The following PACS1 variants were observed in gnomAD, a reference collection of about 807,000 sequenced individuals.
The protein encoded by PACS1 is PACS-1.
Under a neutral mutation model 115.0 loss-of-function variants are expected in PACS1, and 24 were observed. The observed-to-expected ratio is 0.21, with a 90% CI of 0.15 to 0.29. The LOEUF (loss-of-function observed/expected upper bound fraction) is 0.29, where lower values mean the gene tolerates loss of function less well. Ranked by LOEUF, PACS1 falls within the 10% of genes least tolerant of loss-of-function variation. The pLI is 1.00. For synonymous variants in PACS1, 453 were observed against 504.5 expected (o/e 0.90, Z 1.37); for missense variants, 838 against 1,251.2 (o/e 0.67, Z 4.98).
At chr11:66,220,858 T>TC in intron 9 of PACS1, 67 bp downstream of exon 9, 1 of 1,477,212 alleles carries the variant, frequency 6.8e-7, no homozygotes, top group South Asian at 1.2e-5. Flanking sequence ...TCCTGACCCC[T>TC]CCCTCGCTGT....
intron 1 of PACS1, among the ~76,000 whole-genome samples, chr11:66,187,630 A>T (rs1210546758): frequency 6.6e-6 from 1 of 152,208 alleles, no homozygotes; most frequent in Non-Finnish European, 1.5e-5. Context: ...GCTGCAAATG[A>T]CAGGATCTCA....
At chr11:66,238,159 A>C (rs910032961) in intron 19 of PACS1, 2 of 984,268 alleles carry the variant, frequency 2.0e-6, no homozygotes, top group African/African-American at 3.5e-5. Flanking sequence ...GAAAATTCCT[A>C]AAGAACCCCC....
At chr11:66,161,017 G>T (rs1211451120) in intron 1 of PACS1, among the ~76,000 whole-genome samples, 1 of 152,114 alleles carries the variant, frequency 6.6e-6, no homozygotes, top group Non-Finnish European at 1.5e-5. Context: ...TCATCTGTAA[G>T]ATGTGGCTAA....
chr11:66,112,355 G>C (rs1011236160), intron 1 of PACS1, among the ~76,000 whole-genome samples: 2 of 152,150 alleles, frequency 1.3e-5, no homozygotes, highest in African/African-American at 4.8e-5. Context: ...TCTCTCCTTA[G>C]GGCCTTTGTG....
intron 7 of PACS1, chr11:66,218,216 A>G (rs1855258784): frequency 2.6e-5 from 4 of 152,022 alleles, no homozygotes; most frequent in Admixed American, 6.6e-5. Context: ...CTGAAGACCT[A>G]TCAGCCTCGC....
intron 1 of PACS1, chr11:66,100,819 A>C (rs1315257327): frequency 2.2e-6 from 1 of 456,248 alleles, no homozygotes; most frequent in Non-Finnish European, 4.4e-6. Context: ...CTCCATGAGA[A>C]CTGTGGCTGG....
intron 2 of PACS1, among the ~76,000 whole-genome samples, chr11:66,202,662 ATGGATCGCT>A (rs1251250589): frequency 3.4e-5 from 5 of 145,798 alleles, no homozygotes; most frequent in African/African-American, 1.3e-4. Context: ...GCCAAGGTAG[ATGGATCGCT>A]TGAGGCCAAG....
chr11:66,240,962 C>T (rs1250125706), intron 21 of PACS1: 2 of 153,482 alleles, frequency 1.3e-5, no homozygotes, highest in Non-Finnish European at 2.9e-5. Flanking sequence ...GGTCGGGTGG[C>T]ACCAGCTGCT....
At chr11:66,109,991 C>T (rs554997878) in intron 1 of PACS1, among the ~76,000 whole-genome samples, 2 of 152,322 alleles carry the variant, frequency 1.3e-5, no homozygotes, top group South Asian at 4.1e-4. Flanking sequence ...GCTCCAGAGA[C>T]TTCCTTACAT....
intron 1 of PACS1, among the ~76,000 whole-genome samples, chr11:66,125,905 C>T (rs756093200): frequency 7.3e-5 from 11 of 151,626 alleles, no homozygotes; most frequent in South Asian, 4.2e-4. Context: ...TCATGCATGG[C>T]GGCGCATGCC....
intron 1 of PACS1, among the ~76,000 whole-genome samples, chr11:66,078,960 T>C (rs530608502): frequency 6.6e-6 from 1 of 152,266 alleles, no homozygotes; most frequent in East Asian, 1.9e-4. Flanking sequence ...CAGGCTGGAG[T>C]GCAGTGGCGC....
At chr11:66,234,279 G>C in intron 17 of PACS1, 37 bp downstream of exon 17, 1 of 1,406,048 alleles carries the variant, frequency 7.1e-7, no homozygotes, top group African/African-American at 1.4e-5. Context: ...TCCCACCCCC[G>C]GGGTCCACAG....
At chr11:66,136,488 C>CTT (rs1565120399) in intron 1 of PACS1, among the ~76,000 whole-genome samples, 1 of 152,086 alleles carries the variant, frequency 6.6e-6, no homozygotes, top group Non-Finnish European at 1.5e-5. Context: ...AGCACCATGG[C>CTT]TTTCAGTCTT....
chr11:66,230,290 T>C (rs561547180), intron 11 of PACS1: 77 of 508,166 alleles, frequency 1.5e-4, no homozygotes, highest in Non-Finnish European at 2.4e-4. Context: ...TCCACTCTTC[T>C]TGTGCCAGCA....
chr11:66,185,967 C>G (rs1000500477), intron 1 of PACS1, among the ~76,000 whole-genome samples: 1 of 151,972 alleles, frequency 6.6e-6, no homozygotes, highest in Non-Finnish European at 1.5e-5. Context: ...TTCTTTCTCA[C>G]GTAAAAATGA....
chr11:66,136,886 G>C (rs1440424969), intron 1 of PACS1, among the ~76,000 whole-genome samples: 1 of 152,048 alleles, frequency 6.6e-6, no homozygotes, highest in Non-Finnish European at 1.5e-5. Context: ...TCAGCTATTG[G>C]AGGACAGTGC....
chr11:66,098,411 C>A (rs946698238), intron 1 of PACS1, among the ~76,000 whole-genome samples: 77 of 152,078 alleles, frequency 5.1e-4, no homozygotes, highest in African/African-American at 1.8e-3. Context: ...CCAAACTGTT[C>A]ACGTTTTACT....
chr11:66,132,613 A>C (rs1565118726), intron 1 of PACS1, among the ~76,000 whole-genome samples: 2 of 152,170 alleles, frequency 1.3e-5, no homozygotes, highest in Non-Finnish European at 2.9e-5. Flanking sequence ...AGAAAAAAAA[A>C]GTCTGTACAT....
chr11:66,224,999 C>T (rs7949569), intron 10 of PACS1, among the ~76,000 whole-genome samples: 1 of 152,322 alleles, frequency 6.6e-6, no homozygotes, highest in African/African-American at 2.4e-5. Context: ...TTTCCCAAGG[C>T]TTGAGCACAC....
Sources: gnomAD v4.1 joint callset for allele counts (sites outside exome capture counted in the v4.1 genomes callset) on GRCh38, gnomAD v4.1.1 for gene constraint, MANE v1.5 for transcripts, NCBI Gene and HGNC (gene_info 2026-07-23, HGNC 2026-07-21) for gene names.